Variants in FTO observed in about 807,000 individuals in gnomAD.
FTO encodes alpha-ketoglutarate-dependent dioxygenase FTO.
A neutral mutation model predicts 63.9 loss-of-function variants in FTO; 47 were observed. The ratio of observed to expected loss-of-function variants is 0.74; its 90% CI spans 0.58 to 0.94. The LOEUF is 0.94. Ranked by LOEUF, FTO falls within the 40% of genes least tolerant of loss-of-function variation. The probability of loss-of-function intolerance (pLI) is 0.00; values close to 1 mark genes in which losing one functional copy is unlikely to be tolerated. For synonymous variants in FTO, 207 were observed against 224.4 expected, an observed-to-expected ratio of 0.92 and a Z score of 0.69; for missense variants, 562 against 618.1, an observed-to-expected ratio of 0.91 and a Z score of 0.96.
chr16:53,752,888 G>A (rs867999494), intron 1 of FTO, among the ~76,000 whole-genome samples: 3 of 150,524 alleles, frequency 2.0e-5, no homozygotes, highest in Non-Finnish European at 2.9e-5. Flanking sequence ...AGGTATAAAG[G>A]GTGTACAATT....
intron 1 of FTO, among the ~76,000 whole-genome samples, chr16:53,712,445 G>A (rs1186205637): frequency 1.3e-5 from 2 of 151,828 alleles, no homozygotes; most frequent in Admixed American, 6.6e-5. Flanking sequence ...TCACTGTTTC[G>A]GAGGTTTAGT....
chr16:53,704,825 T>G (rs759696858), intron 1 of FTO, among the ~76,000 whole-genome samples: 23 of 152,214 alleles, frequency 1.5e-4, no homozygotes. Context: ...CTGTATTAAG[T>G]GCATAATATT....
At chr16:53,914,958 A>G (rs1218654266) in intron 7 of FTO, among the ~76,000 whole-genome samples, 1 of 152,174 alleles carries the variant, frequency 6.6e-6, no homozygotes, top group Admixed American at 6.5e-5. Context: ...TCATTAATGT[A>G]TACCCCAGCC....
intron 4 of FTO, among the ~76,000 whole-genome samples, chr16:53,853,787 T>C (rs1029334923): frequency 4.6e-5 from 7 of 152,196 alleles, no homozygotes; most frequent in Non-Finnish European, 7.4e-5. Flanking sequence ...AATAAACATA[T>C]GCGTGCAGAT....
At chr16:53,754,977 C>T (rs1441652813) in intron 1 of FTO, among the ~76,000 whole-genome samples, 1 of 152,158 alleles carries the variant, frequency 6.6e-6, no homozygotes, top group Non-Finnish European at 1.5e-5. Flanking sequence ...TGTACAAACA[C>T]CATTTCTCAT....
At chr16:53,745,621 G>A (rs1323875664) in intron 1 of FTO, among the ~76,000 whole-genome samples, 1 of 152,182 alleles carries the variant, frequency 6.6e-6, no homozygotes, top group African/African-American at 2.4e-5. Context: ...AGAAAGTGTA[G>A]GGTGTATAGG....
At chr16:53,723,250 C>A (rs2076082175) in intron 1 of FTO, among the ~76,000 whole-genome samples, 1 of 152,200 alleles carries the variant, frequency 6.6e-6, no homozygotes, top group Non-Finnish European at 1.5e-5. Flanking sequence ...AATAGCATGT[C>A]AGCATCTGTC....
At chr16:54,089,862 T>TA (rs367617501) in intron 8 of FTO, among the ~76,000 whole-genome samples, 53 of 140,842 alleles carry the variant, frequency 3.8e-4, no homozygotes, top group East Asian at 1.2e-3. Flanking sequence ...GGATGGCAAT[T>TA]AAAAAAAAAA....
At chr16:54,054,013 C>T (rs1043015760) in intron 8 of FTO, among the ~76,000 whole-genome samples, 2 of 151,766 alleles carry the variant, frequency 1.3e-5, no homozygotes, top group Admixed American at 1.3e-4. Flanking sequence ...ATCCTGGTGT[C>T]GGTTTTTTTT....
At chr16:53,841,484 G>A (rs1370601793) in intron 3 of FTO, among the ~76,000 whole-genome samples, 2 of 152,094 alleles carry the variant, frequency 1.3e-5, no homozygotes, top group African/African-American at 4.8e-5. Context: ...CCAAACTTAG[G>A]GGAAAGAGTA....
At chr16:53,794,075 G>T (rs1175573195) in intron 1 of FTO, among the ~76,000 whole-genome samples, 1 of 152,216 alleles carries the variant, frequency 6.6e-6, no homozygotes, top group Non-Finnish European at 1.5e-5. Flanking sequence ...TGATAATAAT[G>T]AATGTTTGAG....
chr16:54,018,428 A>C (rs62034067), intron 8 of FTO, among the ~76,000 whole-genome samples: 18 of 64,254 alleles, frequency 2.8e-4, no homozygotes, highest in African/African-American at 2.7e-3. Flanking sequence ...ATACATACAT[A>C]CATACATACA....
Position 53,851,533 on chromosome 16 carries a change from G to A in FTO, c.895+7235G>A, listed in dbSNP as rs117153189. Among the ~76,000 whole-genome samples the A allele has an allele frequency of 5.0e-4, 76 of 151,980 alleles. 1 individual carries two copies. In the East Asian group the frequency reaches 0.015, roughly 29 times the overall value. ...ACATGTATTCTCATTCAAACTTTGT[G>A]GAACTATATGAAATAAAATGTAGAC... is the stretch of plus-strand genomic sequence containing the variant. On this transcript the variant is annotated intron_variant, in intron 4 of 8. Coordinates refer to ENST00000471389, the MANE Select transcript of FTO (RefSeq NM_001080432.3).
intron 7 of FTO, among the ~76,000 whole-genome samples, chr16:53,928,559 T>A (rs2082202377): frequency 6.6e-6 from 1 of 152,214 alleles, no homozygotes. Context: ...CTTTTCACCC[T>A]AAATTTTAGA....
chr16:53,848,352 T>C (rs1203375771), intron 4 of FTO, among the ~76,000 whole-genome samples: 1 of 152,282 alleles, frequency 6.6e-6, no homozygotes, highest in East Asian at 1.9e-4. Context: ...CCCTGCTGTC[T>C]CAAGTAAATA....
At chr16:53,860,725 A>G (rs529885121) in intron 4 of FTO, among the ~76,000 whole-genome samples, 2 of 152,096 alleles carry the variant, frequency 1.3e-5, no homozygotes, top group African/African-American at 4.8e-5. Flanking sequence ...GCCATGATCC[A>G]ATCACCTCCC....
At chr16:53,796,052 T>TC (rs199546550) in intron 1 of FTO, among the ~76,000 whole-genome samples, 76 of 66,652 alleles carry the variant, frequency 1.1e-3, no homozygotes, top group Non-Finnish European at 2.0e-3. Flanking sequence ...TTTCTTTCTT[T>TC]TTTTTTTTTT....
At chr16:53,714,923 G>A (rs912831401) in intron 1 of FTO, among the ~76,000 whole-genome samples, 5 of 152,058 alleles carry the variant, frequency 3.3e-5, no homozygotes, top group Non-Finnish European at 7.4e-5. Context: ...TTACAGTAAT[G>A]GACTCAGCAA....
intron 1 of FTO, among the ~76,000 whole-genome samples, chr16:53,797,817 A>T (rs952890679): frequency 2.0e-5 from 3 of 152,092 alleles, no homozygotes; most frequent in African/African-American, 4.8e-5. Context: ...CTTAAATTTC[A>T]TGAAGTTTAT....
Sources: gnomAD v4.1 joint callset for allele counts (sites outside exome capture counted in the v4.1 genomes callset) on GRCh38, gnomAD v4.1.1 for gene constraint, MANE v1.5 for transcripts, NCBI Gene and HGNC (gene_info 2026-07-23, HGNC 2026-07-21) for gene names.